ADGRL2: variants seen among roughly 807,000 people sequenced by gnomAD.
ADGRL2 encodes the protein calcium-independent alpha-latrotoxin receptor 2.
Under a neutral mutation model 157.4 loss-of-function variants are expected in ADGRL2, and 44 were observed. The ratio of observed to expected loss-of-function variants is 0.28; its 90% CI spans 0.22 to 0.36. The LOEUF (loss-of-function observed/expected upper bound fraction) is 0.36. Ranked by LOEUF, ADGRL2 falls within the 10% of genes least tolerant of loss-of-function variation. The probability of loss-of-function intolerance (pLI) is 1.00; values close to 1 mark genes in which losing one functional copy is unlikely to be tolerated. For synonymous variants in ADGRL2, 585 were observed against 624.7 expected, an observed-to-expected ratio of 0.94 and a Z score of 0.95; for missense variants, 1,510 against 1,768.9, an observed-to-expected ratio of 0.85 and a Z score of 2.63.
chr1:81,987,836 G>GTT, intron 22 of ADGRL2, 33 bp from the exon 23 acceptor site: 2 of 301,946 alleles, frequency 6.6e-6, no homozygotes, highest in South Asian at 6.5e-5. Flanking sequence ...TCATTCTCTT[G>GTT]TTTTTTTTCA....
chr1:81,589,500 C>G (rs2081090799), intron 3 of ADGRL2, among the ~76,000 whole-genome samples: 1 of 152,060 alleles, frequency 6.6e-6, no homozygotes, highest in African/African-American at 2.4e-5. Context: ...GTTAACTTGC[C>G]CTAGTAAATA....
intron 3 of ADGRL2, among the ~76,000 whole-genome samples, chr1:81,646,980 A>G (rs552336739): frequency 1.3e-5 from 2 of 152,346 alleles, no homozygotes; most frequent in African/African-American, 2.4e-5. Flanking sequence ...ACAAAACAAC[A>G]TTTTGAGCAC....
chr1:81,772,249 C>CAAA (rs769058340), intron 2 of ADGRL2, among the ~76,000 whole-genome samples: 15,255 of 94,716 alleles, frequency 0.16, 1,119 homozygotes, highest in Admixed American at 0.22. Flanking sequence ...GACTCTATCT[C>CAAA]AAAAAAAAAA....
intron 1 of ADGRL2, among the ~76,000 whole-genome samples, chr1:81,760,609 C>T (rs2085844846): frequency 6.6e-6 from 1 of 151,812 alleles, no homozygotes; most frequent in Non-Finnish European, 1.5e-5. Context: ...TCAATGTTTT[C>T]CCCTTTAGTT....
At chr1:81,919,960 T>C (rs2094940383) in intron 3 of ADGRL2, among the ~76,000 whole-genome samples, 1 of 152,198 alleles carries the variant, frequency 6.6e-6, no homozygotes, top group African/African-American at 2.4e-5. Context: ...GTAACCAAGA[T>C]TATTTTTTAT....
At chr1:81,550,620 G>A (rs1487989055) in intron 2 of ADGRL2, among the ~76,000 whole-genome samples, 1 of 152,110 alleles carries the variant, frequency 6.6e-6, no homozygotes, top group African/African-American at 2.4e-5. Flanking sequence ...AACACAAATG[G>A]CTAATGTTAG....
chr1:81,549,831 G>T (rs1037133203), intron 2 of ADGRL2, among the ~76,000 whole-genome samples: 3 of 152,068 alleles, frequency 2.0e-5, no homozygotes, highest in African/African-American at 4.8e-5. Flanking sequence ...GAGTGAGAGA[G>T]GTATCTTCAT....
intron 1 of ADGRL2, among the ~76,000 whole-genome samples, chr1:81,820,687 G>T (rs567153673): frequency 1.3e-5 from 2 of 150,358 alleles, no homozygotes; most frequent in South Asian, 4.2e-4. Flanking sequence ...TATCAAAATT[G>T]ATGTTCTGAT....
chr1:81,362,271 C>A, intron 1 of ADGRL2, among the ~76,000 whole-genome samples: 1 of 151,822 alleles, frequency 6.6e-6, no homozygotes, highest in East Asian at 1.9e-4. Context: ...CGTCCTCTCT[C>A]TCTATGAAGT....
Position 81,979,955 on chromosome 1 carries a change from C to T in ADGRL2, c.3108C>T (p.Asn1036=), listed in dbSNP as rs920931574. ...AACCAGATTCTAGCAGGTTGGAAAA[C>T]ATTAAGTAAGTATTTTGTATTTTAA... ...TLKPDSSRLE[N]IKSWVLGAFA... The change falls in exon 18 of 24, where the codon AAC becomes AAT. Residue 1036 remains asparagine (N), a synonymous_variant. Coordinates refer to ENST00000686636, the MANE Select transcript of ADGRL2 (RefSeq NM_001366006.2). 12 of 1,576,506 alleles carry T rather than the reference C, an allele frequency of 7.6e-6. No individual in the cohort carries two copies. The highest frequency in any genetic ancestry group is 1.3e-5 in the African/African-American group (1 of 74,106).
chr1:81,646,221 T>G (rs2082313010), intron 3 of ADGRL2, among the ~76,000 whole-genome samples: 1 of 152,164 alleles, frequency 6.6e-6, no homozygotes, highest in Non-Finnish European at 1.5e-5. Flanking sequence ...TTAAGTCAAG[T>G]GGTTACTATT....
chr1:81,528,719 T>G (rs1002367247), intron 2 of ADGRL2, among the ~76,000 whole-genome samples: 5 of 149,396 alleles, frequency 3.3e-5, no homozygotes, highest in African/African-American at 5.0e-5. Context: ...TCTGAACACC[T>G]GGAATATTTC....
intron 1 of ADGRL2, among the ~76,000 whole-genome samples, chr1:81,747,198 T>A (rs2085318528): frequency 2.1e-5 from 3 of 142,632 alleles, no homozygotes. Context: ...TGTGTATGCA[T>A]GTATATATAT....
chr1:81,880,424 T>C (rs1233706225), intron 2 of ADGRL2, among the ~76,000 whole-genome samples: 1 of 152,194 alleles, frequency 6.6e-6, no homozygotes. Context: ...CAGGTTATTT[T>C]CCTCCTTAGC....
chr1:81,794,886 TCAGA>T (rs1258879938), intron 2 of ADGRL2, among the ~76,000 whole-genome samples: 1 of 152,190 alleles, frequency 6.6e-6, no homozygotes, highest in Non-Finnish European at 1.5e-5. Context: ...TTCCAGATGC[TCAGA>T]CATATTTATT....
In ADGRL2 at chr1:81,708,205, G is replaced by T. The variant is rs1394315483; in HGVS notation, c.-143+8397G>T. Among the ~76,000 whole-genome samples the T allele has an allele frequency of 3.9e-5, 6 of 152,166 alleles. No homozygotes were observed. In the East Asian group the frequency reaches 9.7e-4, roughly 25 times the overall value. ...ATAAACTTGCCTTGCACGGTTGTTG[G>T]TTTATCCGTCAAAGAAATCATTACC... On this transcript the variant is annotated intron_variant, in intron 1 of 20. Coordinates refer to the ADGRL2 transcript ENST00000359929.
chr1:81,453,349 G>A (rs889382713), intron 2 of ADGRL2, among the ~76,000 whole-genome samples: 2 of 152,034 alleles, frequency 1.3e-5, no homozygotes, highest in Non-Finnish European at 2.9e-5. Flanking sequence ...AAAAAACGCC[G>A]AGAAAAACAA....
At chr1:81,648,815 T>A (rs1448978757) in intron 3 of ADGRL2, among the ~76,000 whole-genome samples, 2 of 152,136 alleles carry the variant, frequency 1.3e-5, no homozygotes, top group African/African-American at 4.8e-5. Flanking sequence ...TTTAAAGGTA[T>A]AATTTAAATA....
intron 3 of ADGRL2, among the ~76,000 whole-genome samples, chr1:81,636,492 C>T (rs1570699252): frequency 6.6e-6 from 1 of 151,934 alleles, no homozygotes; most frequent in East Asian, 1.9e-4. Flanking sequence ...CTCGGAGGGA[C>T]CCATACTCTA....
Sources: allele counts gnomAD v4.1 joint callset (sites outside exome capture counted in the v4.1 genomes callset), GRCh38; gene constraint gnomAD v4.1.1; transcripts MANE v1.5; gene names NCBI Gene and HGNC (gene_info 2026-07-23, HGNC 2026-07-21).